OPHN1: variants seen among roughly 807,000 people sequenced by gnomAD.
OPHN1 encodes the protein oligophrenin-1.
OPHN1 carries 11 observed loss-of-function variants against 60.7 expected under a neutral mutation model. The ratio of observed to expected loss-of-function variants is 0.18; its 90% CI spans 0.11 to 0.30. The LOEUF (loss-of-function observed/expected upper bound fraction) is 0.30, where lower values mean the gene tolerates loss of function less well. Ranked by LOEUF, OPHN1 falls within the 10% of genes least tolerant of loss-of-function variation. OPHN1 has a pLI of 1.00. For missense variants in OPHN1, 449 were observed against 611.0 expected (o/e 0.73, Z 2.80); for synonymous variants, 226 against 222.6 (o/e 1.02, Z -0.14).
chrX:68,224,642 CTCT>C (rs2077680665), intron 6 of OPHN1, among the ~76,000 whole-genome samples: 1 of 112,207 alleles, frequency 8.9e-6, no homozygotes. Flanking sequence ...GAAGAAAGAT[CTCT>C]TATTAATAAT....
At chrX:68,290,481 C>T (rs980752371) in intron 3 of OPHN1, among the ~76,000 whole-genome samples, 1 of 110,386 alleles carries the variant, frequency 9.1e-6, no homozygotes, top group African/African-American at 3.3e-5. Context: ...CACCTGTAAT[C>T]CCACCTACCC....
At chrX:68,252,368 A>G (rs1961116972) in intron 5 of OPHN1, among the ~76,000 whole-genome samples, 1 of 112,258 alleles carries the variant, frequency 8.9e-6, no homozygotes, top group African/African-American at 3.2e-5. Flanking sequence ...TTTCCTGGCA[A>G]TAATACTGTC....
chrX:68,227,860 G>A (rs766333794), intron 6 of OPHN1, among the ~76,000 whole-genome samples: 106 of 110,445 alleles, frequency 9.6e-4, no homozygotes, highest in African/African-American at 3.3e-3. Flanking sequence ...AGAAGCAAGA[G>A]CAAACACATT....
At chrX:68,126,726 T>C (rs1291770765) in intron 15 of OPHN1, among the ~76,000 whole-genome samples, 1 of 112,060 alleles carries the variant, frequency 8.9e-6, no homozygotes, top group Non-Finnish European at 1.9e-5. Context: ...ATTACAGGCA[T>C]GAGCCACTGT....
chrX:68,204,503 T>C (rs768807141), intron 10 of OPHN1, among the ~76,000 whole-genome samples: 1 of 111,972 alleles, frequency 8.9e-6, no homozygotes, highest in East Asian at 2.8e-4. Context: ...AAATAGTGGC[T>C]TTTGTAGTGT....
chrX:68,071,058 TC>T, intron 20 of OPHN1: 1 of 1,116,173 alleles, frequency 9.0e-7, no homozygotes, highest in South Asian at 1.8e-5. Context: ...TAAAAGCCGT[TC>T]CACCACCAAT....
intron 5 of OPHN1, among the ~76,000 whole-genome samples, chrX:68,260,780 T>C (rs1158158288): frequency 1.8e-5 from 2 of 111,707 alleles, no homozygotes; most frequent in East Asian, 5.6e-4. Context: ...CTGGTAGCCA[T>C]TGAAACCCAA....
Position 68,064,193 on chromosome X carries a change from G to A in OPHN1, c.1835-16C>T, listed in dbSNP as rs766482587. 1 of 1,197,121 alleles carries A rather than the reference G, an allele frequency of 8.4e-7. No homozygotes were observed. On this transcript the variant is annotated splice_polypyrimidine_tract_variant and intron_variant, in intron 20 of 24. Transcript: ENST00000355520. Reference sequence around the variant, plus strand: ...TGGATTTCATCTAGGAAAAGTTGGTGCCAAGAGGGAAGATTAATGATAACT... The same window carrying A: ...TGGATTTCATCTAGGAAAAGTTGGTACCAAGAGGGAAGATTAATGATAACT...
Position 68,063,847 on chromosome X carries a change from C to T in OPHN1, c.2158+7G>A. 1 of 1,154,974 alleles carries T rather than the reference C, an allele frequency of 8.7e-7. No homozygotes were observed. Among genetic ancestry groups the T allele is most frequent in the South Asian group, 2.0e-5 (1 of 50,101 alleles). ...CTCTGGCTCCCATGGGATTCCCAAG[C>T]ACTTACCCTCCTTGTGGTGGGCCAG... On this transcript the variant is annotated splice_region_variant and intron_variant, in intron 21 of 24. Transcript: ENST00000355520.
intron 5 of OPHN1, among the ~76,000 whole-genome samples, chrX:68,270,290 A>T (rs1303490391): frequency 9.0e-6 from 1 of 110,660 alleles, no homozygotes; most frequent in Non-Finnish European, 1.9e-5. Context: ...ACATGCACAC[A>T]TATGTTTATT....
chrX:68,187,791 C>A (rs372185726), intron 15 of OPHN1, among the ~76,000 whole-genome samples: 1 of 110,697 alleles, frequency 9.0e-6, no homozygotes, highest in African/African-American at 3.3e-5. Flanking sequence ...CCACACCCGG[C>A]TAATTTTTTG....
intron 2 of OPHN1, among the ~76,000 whole-genome samples, chrX:68,416,033 A>AATATATAT (rs1163304135): frequency 2.4e-4 from 7 of 29,773 alleles, no homozygotes; most frequent in East Asian, 1.4e-3. Flanking sequence ...AAAATTATAT[A>AATATATAT]ATATATATAT....
chrX:68,091,240 C>T (rs1887481), intron 19 of OPHN1, among the ~76,000 whole-genome samples: 53,293 of 110,209 alleles, frequency 0.48, 11,225 homozygotes, highest in South Asian at 0.69. Context: ...GCTGGAAATA[C>T]GCTGTCCCAC....
At chrX:68,260,956 C>T (rs1306672301) in intron 5 of OPHN1, among the ~76,000 whole-genome samples, 4 of 111,826 alleles carry the variant, frequency 3.6e-5, no homozygotes, top group African/African-American at 1.3e-4. Context: ...TTTTCAGTCT[C>T]ATCTACCTCC....
intron 11 of OPHN1, among the ~76,000 whole-genome samples, chrX:68,200,509 C>T (rs1033899774): frequency 3.6e-5 from 4 of 111,399 alleles, no homozygotes; most frequent in Non-Finnish European, 7.5e-5. Flanking sequence ...CCTACTGGAA[C>T]TGAGGCTATC....
At chrX:68,091,565 A>G (rs978312910) in intron 19 of OPHN1, among the ~76,000 whole-genome samples, 1 of 111,526 alleles carries the variant, frequency 9.0e-6, no homozygotes, top group African/African-American at 3.3e-5. Flanking sequence ...AAGAGGCTTC[A>G]TATAAAATGA....
rs769631990 is a variant in OPHN1 at position 68,369,292 on chromosome X, G to C, written c.154+63575C>G. Among the ~76,000 whole-genome samples the C allele has an allele frequency of 3.6e-5, 4 of 111,352 alleles. No homozygotes were observed. The East Asian group carries it at 1.1e-3, about 32-fold the overall frequency. On this transcript the variant is annotated intron_variant, in intron 2 of 24. Coordinates refer to ENST00000355520, the MANE Select transcript of OPHN1 (RefSeq NM_002547.3). ...ACTTGAGATCAGGAGTTCAAAACCA[G>C]CCCAGGCAACATAGCAAGACTTCAT...
chrX:68,165,644 A>T (rs1203122465), intron 15 of OPHN1, among the ~76,000 whole-genome samples: 1 of 112,389 alleles, frequency 8.9e-6, no homozygotes, highest in Admixed American at 9.5e-5. Context: ...AAAATGTGAC[A>T]TAGAGATAAG....
At chrX:68,135,651 CA>C (rs1008291412) in intron 15 of OPHN1, among the ~76,000 whole-genome samples, 14 of 112,138 alleles carry the variant, frequency 1.2e-4, no homozygotes, top group African/African-American at 4.5e-4. Context: ...TAACATGGAA[CA>C]AAAATGGCTG....
Sources: allele counts gnomAD v4.1 joint callset (sites outside exome capture counted in the v4.1 genomes callset), GRCh38; gene constraint gnomAD v4.1.1; transcripts MANE v1.5; gene names NCBI Gene and HGNC (gene_info 2026-07-23, HGNC 2026-07-21).